The following EVA1A variants were observed in gnomAD, a reference collection of about 807,000 sequenced individuals.
EVA1A encodes protein eva-1 homolog A.
EVA1A carries 7 observed loss-of-function variants against 9.8 expected under a neutral mutation model. The observed-to-expected ratio is 0.71, with a 90% CI of 0.41 to 1.34. The LOEUF (loss-of-function observed/expected upper bound fraction) is 1.34, where lower values mean the gene tolerates loss of function less well. EVA1A is among the 40% of genes most tolerant of loss of function. The pLI, the probability that EVA1A is intolerant of heterozygous loss-of-function variation, is 0.01. For missense variants in EVA1A, 206 were observed against 205.9 expected, an observed-to-expected ratio of 1.00 and a Z score of 0.00; for synonymous variants, 90 against 85.6, an observed-to-expected ratio of 1.05 and a Z score of -0.28.
At chr2:75,530,981 G>A (rs1675625774) in intron 1 of EVA1A, among the ~76,000 whole-genome samples, 1 of 152,100 alleles carries the variant, frequency 6.6e-6, no homozygotes, top group Admixed American at 6.6e-5. Flanking sequence ...TGATGATGAT[G>A]TTATCATATA....
chr2:75,528,646 A>C (rs1675538594), intron 1 of EVA1A, among the ~76,000 whole-genome samples: 1 of 152,174 alleles, frequency 6.6e-6, no homozygotes, highest in Non-Finnish European at 1.5e-5. Flanking sequence ...GAGCTCAGAC[A>C]CACCTAGCCC....
At chr2:75,530,719 C>A (rs575825519) in intron 1 of EVA1A, among the ~76,000 whole-genome samples, 1 of 152,174 alleles carries the variant, frequency 6.6e-6, no homozygotes, top group Non-Finnish European at 1.5e-5. Context: ...ACGATTAAAA[C>A]CCTCAGCAAA....
chr2:75,539,037 C>T (rs763690481), intron 1 of EVA1A, among the ~76,000 whole-genome samples: 7 of 152,158 alleles, frequency 4.6e-5, no homozygotes, highest in African/African-American at 1.4e-4. Flanking sequence ...TTTCTTGCAA[C>T]TGCATATACA....
chr2:75,517,308 TA>T (rs1675047964), intron 3 of EVA1A, among the ~76,000 whole-genome samples: 1 of 152,136 alleles, frequency 6.6e-6, no homozygotes, highest in Admixed American at 6.5e-5. Flanking sequence ...CCTTCCTTTT[TA>T]TACAATATAT....
chr2:75,562,208 A>C (rs1035266711), upstream of EVA1A, among the ~76,000 whole-genome samples: 1 of 152,206 alleles, frequency 6.6e-6, no homozygotes, highest in African/African-American at 2.4e-5. Flanking sequence ...GACTGATTGT[A>C]TATTAGACTA....
chr2:75,549,006 ATATT>A (rs1174149200), intron 1 of EVA1A, among the ~76,000 whole-genome samples: 13,456 of 125,840 alleles, frequency 0.11, 642 homozygotes, highest in African/African-American at 0.11. Context: ...ATATATATAT[ATATT>A]TTTTTTTTTT....
At chr2:75,515,857 A>G (rs1177810612) in intron 3 of EVA1A, among the ~76,000 whole-genome samples, 1 of 152,202 alleles carries the variant, frequency 6.6e-6, no homozygotes, top group African/African-American at 2.4e-5. Context: ...AAGGTTACCA[A>G]GCACCTTAGA....
intron 3 of EVA1A, among the ~76,000 whole-genome samples, chr2:75,507,208 T>G (rs796512161): frequency 1.3e-5 from 2 of 152,178 alleles, no homozygotes; most frequent in African/African-American, 4.8e-5. Context: ...GCACTTTGCC[T>G]AGGACCCAAC....
chr2:75,552,218 C>G (rs1321915617), intron 1 of EVA1A, among the ~76,000 whole-genome samples: 1 of 151,870 alleles, frequency 6.6e-6, no homozygotes, highest in Non-Finnish European at 1.5e-5. Context: ...TCTTGTAAAT[C>G]TTGAAGACTT....
intron 1 of EVA1A, among the ~76,000 whole-genome samples, chr2:75,527,678 G>T (rs992682060): frequency 7.2e-5 from 11 of 152,046 alleles, no homozygotes; most frequent in African/African-American, 2.7e-4. Flanking sequence ...AACAAATAAA[G>T]AAATTAAAAG....
At chr2:75,524,917 G>A (rs1675368328) in intron 1 of EVA1A, among the ~76,000 whole-genome samples, 2 of 151,836 alleles carry the variant, frequency 1.3e-5, no homozygotes, top group Admixed American at 6.5e-5. Flanking sequence ...TGGATTGATA[G>A]ATAGACAGGT....
upstream of EVA1A, among the ~76,000 whole-genome samples, chr2:75,565,473 C>A (rs1677008970): frequency 1.3e-5 from 2 of 152,130 alleles, no homozygotes; most frequent in African/African-American, 2.4e-5. Context: ...GTCAAACAGA[C>A]AAAAATCCCT....
intron 1 of EVA1A, among the ~76,000 whole-genome samples, chr2:75,549,280 A>C (rs544902643): frequency 6.6e-6 from 1 of 152,228 alleles, no homozygotes; most frequent in South Asian, 2.1e-4. Context: ...GTGGAATAGG[A>C]ATAAAGCCAA....
chr2:75,505,762 C>T (rs898723205), intron 3 of EVA1A, among the ~76,000 whole-genome samples: 3 of 151,552 alleles, frequency 2.0e-5, no homozygotes, highest in Non-Finnish European at 4.4e-5. Flanking sequence ...TGCAGTGAGC[C>T]GAGATCGTGC....
intron 1 of EVA1A, among the ~76,000 whole-genome samples, chr2:75,522,923 GT>G (rs1173110350): frequency 6.6e-6 from 1 of 152,194 alleles, no homozygotes; most frequent in East Asian, 1.9e-4. Flanking sequence ...ACACAGCTCT[GT>G]AGGAACTAGA....
chr2:75,523,077 T>C (rs2103861727), intron 1 of EVA1A, among the ~76,000 whole-genome samples: 1 of 152,338 alleles, frequency 6.6e-6, no homozygotes, highest in East Asian at 1.9e-4. Context: ...AAATCAGTCA[T>C]GGAGCTCTGA....
chr2:75,532,954 G>A (rs555085665), intron 1 of EVA1A, among the ~76,000 whole-genome samples: 1 of 151,964 alleles, frequency 6.6e-6, no homozygotes, highest in Middle Eastern at 3.2e-3. Context: ...ACCAGCCTAG[G>A]TAATATGGCA....
intron 3 of EVA1A, among the ~76,000 whole-genome samples, chr2:75,513,804 C>T (rs991311235): frequency 2.0e-5 from 3 of 152,106 alleles, no homozygotes; most frequent in African/African-American, 7.2e-5. Flanking sequence ...AAAGACAGGC[C>T]TCTACATGTT....
chr2:75,495,430 T>C lies in EVA1A; in HGVS notation c.86-1821A>G, dbSNP rs1303623009. Among the ~76,000 whole-genome samples the C allele has an allele frequency of 3.3e-5, 5 of 152,192 alleles. No homozygotes were observed. In the East Asian group the frequency reaches 7.7e-4, roughly 23 times the overall value. Reference sequence around the variant, plus strand: ...CTACTGAAGACCACAGTGTTCTCCCTTATATGGCAAGTCAACACTAACCTA... The same window carrying C: ...CTACTGAAGACCACAGTGTTCTCCCCTATATGGCAAGTCAACACTAACCTA... On this transcript the variant is annotated intron_variant, in intron 3 of 3. Transcript: ENST00000393913.
Sources: allele counts gnomAD v4.1 joint callset (sites outside exome capture counted in the v4.1 genomes callset), GRCh38; gene constraint gnomAD v4.1.1; transcripts MANE v1.5; gene names NCBI Gene and HGNC (gene_info 2026-07-23, HGNC 2026-07-21).